Variants in DLGAP2 observed in about 807,000 individuals in gnomAD.
DLGAP2 encodes the protein disks large-associated protein 2.
DLGAP2 carries 26 observed loss-of-function variants against 100.3 expected under a neutral mutation model. The ratio of observed to expected loss-of-function variants is 0.26; its 90% confidence interval spans 0.19 to 0.36. DLGAP2 has a LOEUF of 0.36. DLGAP2 is among the 10% of genes least tolerant of loss of function. DLGAP2 has a pLI of 1.00. For missense variants in DLGAP2, 1,858 were observed against 1,453.2 expected (o/e 1.28, Z -4.53); for synonymous variants, 886 against 630.1 (o/e 1.41, Z -6.08).
At chr8:768,451 A>C (rs1182886502) in intron 1 of DLGAP2, among the ~76,000 whole-genome samples, 2 of 135,022 alleles carry the variant, frequency 1.5e-5, no homozygotes, top group African/African-American at 5.8e-5. Context: ...TCTGACATGA[A>C]TCTTGCTCTG....
chr8:1,637,236 A>G lies in DLGAP2; in HGVS notation c.1810+4190A>G, dbSNP rs568163321. Reference sequence around the variant, plus strand: ...GCCAGCTTCCCTGCGGAGTTAAAATAAAACACGCTATATGGGGAAAGGCTT... The same window carrying G: ...GCCAGCTTCCCTGCGGAGTTAAAATGAAACACGCTATATGGGGAAAGGCTT... On this transcript the variant is annotated intron_variant, in intron 8 of 14. Coordinates refer to ENST00000637795, the MANE Select transcript of DLGAP2 (RefSeq NM_001346810.2). Among the ~76,000 whole-genome samples, 19 of 152,316 alleles carry G rather than the reference A, an allele frequency of 1.2e-4. No individual in the cohort carries two copies. The East Asian group carries it at 3.7e-3, about 30-fold the overall frequency.
intron 3 of DLGAP2, among the ~76,000 whole-genome samples, chr8:1,496,200 G>C (rs975268497): frequency 1.3e-5 from 2 of 152,076 alleles, no homozygotes; most frequent in African/African-American, 4.8e-5. Flanking sequence ...CATTGGCAGA[G>C]TGTTCTGCCT....
intron 3 of DLGAP2, among the ~76,000 whole-genome samples, chr8:1,260,809 G>A (rs555956525): frequency 2.0e-4 from 30 of 152,322 alleles, no homozygotes; most frequent in Middle Eastern, 3.4e-3. Context: ...CTGACTTGAG[G>A]CGACTGTAGT....
intron 2 of DLGAP2, among the ~76,000 whole-genome samples, chr8:951,413 T>C (rs1294686068): frequency 2.0e-5 from 3 of 152,142 alleles, no homozygotes; most frequent in Non-Finnish European, 2.9e-5. Context: ...CCTGGCTATT[T>C]TTTTGTTTTT....
At chr8:1,500,722 T>C (rs975870600) in intron 3 of DLGAP2, among the ~76,000 whole-genome samples, 21 of 152,268 alleles carry the variant, frequency 1.4e-4, no homozygotes, top group Non-Finnish European at 8.8e-5. Context: ...AGCCACATGC[T>C]GATGTCATTC....
At chr8:985,006 C>CT (rs1800445942) in intron 2 of DLGAP2, among the ~76,000 whole-genome samples, 1 of 152,148 alleles carries the variant, frequency 6.6e-6, no homozygotes, top group Non-Finnish European at 1.5e-5. Context: ...TGTGAAATGT[C>CT]TCAGGCATAC....
At chr8:1,325,607 T>A (rs375523821) in intron 3 of DLGAP2, among the ~76,000 whole-genome samples, 1 of 152,242 alleles carries the variant, frequency 6.6e-6, no homozygotes, top group East Asian at 1.9e-4. Flanking sequence ...CCTGAAAGGA[T>A]TAAGGGGACA....
chr8:1,217,135 A>T (rs1318139128), intron 2 of DLGAP2, among the ~76,000 whole-genome samples: 1 of 152,102 alleles, frequency 6.6e-6, no homozygotes, highest in Non-Finnish European at 1.5e-5. Flanking sequence ...AATAGACCCC[A>T]GTATCTGTTG....
chr8:1,501,275 T>C lies in DLGAP2; in HGVS notation c.107-91T>C, dbSNP rs977736189. On this transcript the variant is annotated intron_variant, in intron 3 of 14. Transcript: ENST00000637795. ...AAAGGTGTCTGTCATGTTTGAACTG[T>C]TGAGTGTGGAGGGTTTTGAAGATGT... The C allele has an allele frequency of 8.3e-6, 11 of 1,317,508 alleles. No homozygotes were observed. In the South Asian group the frequency reaches 1.0e-4, roughly 12 times the overall value. 81.6% of individuals were successfully genotyped at this position (1,317,508 alleles called of 1,614,324 possible). A position where few individuals can be genotyped will look rare whatever the true frequency, so the allele number is the denominator to read the frequency against.
At chr8:1,068,687 G>A (rs545563962) in intron 2 of DLGAP2, among the ~76,000 whole-genome samples, 7 of 152,044 alleles carry the variant, frequency 4.6e-5, no homozygotes, top group African/African-American at 7.3e-5. Context: ...GGGGCTCAGC[G>A]CATGTGGGAC....
In DLGAP2 at chr8:1,082,766, C is replaced by G. The variant is rs573972012; in HGVS notation, c.73+174800C>G. Reference sequence around the variant, plus strand: ...TCTAGATTGAAAAACCTGGTAGGAACAAAACACTACTTTGTGGAGAGAATC... The same window carrying G: ...TCTAGATTGAAAAACCTGGTAGGAAGAAAACACTACTTTGTGGAGAGAATC... On this transcript the variant is annotated intron_variant, in intron 2 of 14. Transcript: ENST00000637795. 2.0e-5 allele frequency among the ~76,000 whole-genome samples: 3 copies of G among 152,238 alleles called. No homozygotes were observed. In the East Asian group the frequency reaches 5.8e-4, roughly 29 times the overall value.
At chr8:917,117 G>T (rs1208470840) in intron 2 of DLGAP2, among the ~76,000 whole-genome samples, 1 of 152,198 alleles carries the variant, frequency 6.6e-6, no homozygotes, top group Non-Finnish European at 1.5e-5. Flanking sequence ...ATTTTCAGGA[G>T]TGAAGGGCCG....
At chr8:1,200,118 G>A (rs956764694) in intron 2 of DLGAP2, among the ~76,000 whole-genome samples, 2 of 152,150 alleles carry the variant, frequency 1.3e-5, no homozygotes, top group East Asian at 1.9e-4. Flanking sequence ...GGGCGTGGGG[G>A]CCGGGAGCGG....
At chr8:1,604,183 T>C (rs1165405133) in intron 6 of DLGAP2, among the ~76,000 whole-genome samples, 1 of 152,206 alleles carries the variant, frequency 6.6e-6, no homozygotes, top group Admixed American at 6.5e-5. Context: ...GAAATCATTT[T>C]CCTGGAAACA....
chr8:1,037,619 A>G (rs763464925), intron 2 of DLGAP2, among the ~76,000 whole-genome samples: 1 of 152,332 alleles, frequency 6.6e-6, no homozygotes, highest in African/African-American at 2.4e-5. Context: ...TACAAAATGT[A>G]GTTTTTAAAA....
At chr8:1,134,765 G>T (rs954041334) in intron 2 of DLGAP2, among the ~76,000 whole-genome samples, 2 of 152,088 alleles carry the variant, frequency 1.3e-5, no homozygotes, top group Non-Finnish European at 2.9e-5. Flanking sequence ...CCCATATTAC[G>T]TGGCGGCAGG....
chr8:1,094,820 T>C (rs1417584044), intron 2 of DLGAP2, among the ~76,000 whole-genome samples: 1 of 152,246 alleles, frequency 6.6e-6, no homozygotes, highest in Non-Finnish European at 1.5e-5. Flanking sequence ...GATGTTAGAA[T>C]GTACTGAGAG....
At chr8:1,233,267 C>G (rs1206000588) in intron 2 of DLGAP2, among the ~76,000 whole-genome samples, 2 of 152,216 alleles carry the variant, frequency 1.3e-5, no homozygotes, top group African/African-American at 4.8e-5. Flanking sequence ...TTTGTGTGAG[C>G]ATCCTGGATG....
chr8:1,380,250 T>C (rs963731091), intron 3 of DLGAP2: 5 of 152,220 alleles, frequency 3.3e-5, no homozygotes, highest in Non-Finnish European at 5.9e-5. Context: ...TGCAGAGACA[T>C]GAACGCGAGT....
Sources: gnomAD v4.1 joint callset for allele counts (sites outside exome capture counted in the v4.1 genomes callset) on GRCh38, gnomAD v4.1.1 for gene constraint, MANE v1.5 for transcripts, NCBI Gene and HGNC (gene_info 2026-07-23, HGNC 2026-07-21) for gene names.